Variants in TJP2 observed in about 807,000 individuals in gnomAD.
TJP2 encodes tight junction protein 2.
A neutral mutation model predicts 133.1 loss-of-function variants in TJP2; 91 were observed. The ratio of observed to expected loss-of-function variants is 0.68; its 90% CI spans 0.58 to 0.81. TJP2 has a LOEUF of 0.81. Ranked by LOEUF, TJP2 falls within the 40% of genes least tolerant of loss-of-function variation. The pLI is 0.00. For missense variants in TJP2, 1,541 were observed against 1,565.6 expected (o/e 0.98, Z 0.26); for synonymous variants, 592 against 583.4 (o/e 1.01, Z -0.21).
At chr9:69,173,265 G>T (rs980488307), upstream of TJP2, among the ~76,000 whole-genome samples, 4 of 152,160 alleles carry the variant, frequency 2.6e-5, no homozygotes, top group Admixed American at 1.3e-4. Context: ...TCTCTTACAA[G>T]ATGGTTTTTT....
chr9:69,217,198 C>T (rs1359127451), intron 3 of TJP2, among the ~76,000 whole-genome samples: 1 of 152,038 alleles, frequency 6.6e-6, no homozygotes, highest in Non-Finnish European at 1.5e-5. Context: ...GCCATGTTGG[C>T]TAGGCTGGTG....
intron 1 of TJP2, among the ~76,000 whole-genome samples, chr9:69,209,656 A>C (rs1827711777): frequency 6.6e-6 from 1 of 151,360 alleles, no homozygotes; most frequent in African/African-American, 2.4e-5. Flanking sequence ...CGGGAGGCTG[A>C]GGCAGGAGAA....
intron 1 of TJP2, among the ~76,000 whole-genome samples, chr9:69,206,547 C>T (rs1356218741): frequency 7.2e-6 from 1 of 138,614 alleles, no homozygotes; most frequent in African/African-American, 2.6e-5. Flanking sequence ...CACTCATCTC[C>T]CTATTTTTTA....
chr9:69,232,899 G>A lies in TJP2; in HGVS notation c.1672-1540G>A, dbSNP rs575032090. Among the ~76,000 whole-genome samples, 24 of 152,196 alleles carry A rather than the reference G, an allele frequency of 1.6e-4. No individual in the cohort carries two copies. The East Asian group carries it at 2.5e-3, about 16-fold the overall frequency. On this transcript the variant is annotated intron_variant, in intron 11 of 22. Transcript: ENST00000377245. ...TTTTTGGCTATCGAAGACTGTGATC[G>A]AGACTGATCTAAGGTTAATCTCTTG...
intron 5 of TJP2, among the ~76,000 whole-genome samples, chr9:69,222,178 CT>C (rs34092260): frequency 0.6 from 83,704 of 140,118 alleles, 25,699 homozygotes; most frequent in African/African-American, 0.78. Context: ...GGCCAGCTAA[CT>C]TTTTTTTTTT....
In TJP2 at chr9:69,167,725, G is replaced by A. The variant is rs373324323; in HGVS notation, c.-10+15954G>A. On this transcript the variant is annotated intron_variant, in intron 2 of 5. Transcript: ENST00000423935. The stretch of plus-strand genomic sequence containing the variant: ...TCTACTAAAAATACAAAAATTAGCC[G>A]GGCATGGTGGCACATGCCTGTAATC... Among the ~76,000 whole-genome samples, 11 of 152,036 alleles carry A rather than the reference G, an allele frequency of 7.2e-5. No individual in the cohort carries two copies. In the East Asian group the frequency reaches 9.7e-4, roughly 13 times the overall value.
At chr9:69,162,732 TG>T (rs1824146575) in intron 2 of TJP2, among the ~76,000 whole-genome samples, 1 of 152,218 alleles carries the variant, frequency 6.6e-6, no homozygotes. Context: ...GTGTCTAAGT[TG>T]TGTACAATAT....
At chr9:69,149,637 A>T (rs905694518) in intron 1 of TJP2, among the ~76,000 whole-genome samples, 1 of 152,184 alleles carries the variant, frequency 6.6e-6, no homozygotes, top group Non-Finnish European at 1.5e-5. Flanking sequence ...GAGAGGCTGC[A>T]TTCTTCCTCC....
chr9:69,128,707 C>T (rs1041331294), intron 1 of TJP2, among the ~76,000 whole-genome samples: 8 of 152,110 alleles, frequency 5.3e-5, no homozygotes, highest in Middle Eastern at 3.4e-3. Context: ...TGTTATTTTT[C>T]AGTAGAGACG....
intron 1 of TJP2, among the ~76,000 whole-genome samples, chr9:69,136,303 G>A (rs1200541344): frequency 6.6e-6 from 1 of 152,142 alleles, no homozygotes; most frequent in Non-Finnish European, 1.5e-5. Flanking sequence ...AGGATCACTT[G>A]AGACCAGAAG....
chr9:69,230,539 A>C (rs1829694408), intron 11 of TJP2, among the ~76,000 whole-genome samples: 1 of 152,194 alleles, frequency 6.6e-6, no homozygotes, highest in South Asian at 2.1e-4. Context: ...GATTTTTCAA[A>C]AAGATTTTTC....
At chr9:69,246,595 A>C in intron 17 of TJP2, 95 bp from the exon 18 acceptor site, 1 of 1,074,808 alleles carries the variant, frequency 9.3e-7, no homozygotes, top group Non-Finnish European at 1.4e-6. Flanking sequence ...ATAGTCTTAA[A>C]TATCACAGAA....
In TJP2 at chr9:69,251,183, G is replaced by C. The variant is rs191327525; in HGVS notation, c.3140G>C (p.Arg1047Pro). Residue 1047 changes from arginine to proline, a missense_variant, in exon 21 of 23, where the codon CGG (arginine) becomes CCG (proline). Physicochemically the swap from Arg to Pro is moderately radical, Grantham distance 103. Transcript: ENST00000377245. Reference sequence around the variant, plus strand: ...GTTGCAGCAAAACCTACCTTTGGGCGGTCTATACTGAAGCCCTCCACTCCC... The same window carrying C: ...GTTGCAGCAAAACCTACCTTTGGGCCGTCTATACTGAAGCCCTCCACTCCC... ...PPVAAKPTFG[R>P]SILKPSTPIP... 34 of 1,614,090 alleles carry C rather than the reference G, an allele frequency of 2.1e-5. No individual in the cohort carries two copies. In the African/African-American group the frequency reaches 4.4e-4, roughly 21 times the overall value.
chr9:69,171,833 G>A (rs1268355055), upstream of TJP2, among the ~76,000 whole-genome samples: 1 of 112,306 alleles, frequency 8.9e-6, no homozygotes. Flanking sequence ...ATCTCGCTCT[G>A]TCACCAGGCT....
At position 69,229,232 on chromosome 9, in the gene TJP2, A is replaced by C; in HGVS notation, c.1502A>C (p.Glu501Ala). ...AGAACTTTTCTTCGTCCTAGTCCTG[A>C]AGATGAAGCAATATATGGGTATGTA... is the stretch of plus-strand genomic sequence containing the variant. ...APRTFLRPSP[E>A]DEAIYGPNTK... is the part of the protein sequence containing the mutation. The change falls in exon 10 of 23, where the codon GAA becomes GCA. Residue 501 changes from glutamate to alanine, a missense_variant. Transcript: ENST00000377245. 2 of 1,614,092 alleles carry C rather than the reference A, an allele frequency of 1.2e-6. No homozygotes were observed. Among genetic ancestry groups the C allele is most frequent in the Non-Finnish European group, 1.7e-6 (2 of 1,179,994 alleles).
chr9:69,158,021 GGCA>G (rs1823861676), intron 2 of TJP2, among the ~76,000 whole-genome samples: 1 of 149,782 alleles, frequency 6.7e-6, no homozygotes, highest in Non-Finnish European at 1.5e-5. Context: ...CCCAGAGGCA[GGCA>G]CAGTGGCTGG....
At chr9:69,234,695 GAAGA>G (rs1019504450) in intron 12 of TJP2, 148 bp downstream of exon 12, 40 of 585,012 alleles carry the variant, frequency 6.8e-5, no homozygotes, top group African/African-American at 6.8e-4. Flanking sequence ...CTAGGTGTGT[GAAGA>G]AAATGTGAGT....
At chr9:69,237,637 T>C (rs916411164) in intron 14 of TJP2, among the ~76,000 whole-genome samples, 1 of 152,128 alleles carries the variant, frequency 6.6e-6, no homozygotes, top group African/African-American at 2.4e-5. Context: ...GGCAACATAG[T>C]GAGATCTTGT....
At chr9:69,212,228 C>T (rs1827973237) in intron 1 of TJP2, among the ~76,000 whole-genome samples, 1 of 152,106 alleles carries the variant, frequency 6.6e-6, no homozygotes, top group Non-Finnish European at 1.5e-5. Flanking sequence ...CTATTTGAAA[C>T]TAGATATTTT....
Sources: allele counts gnomAD v4.1 joint callset (sites outside exome capture counted in the v4.1 genomes callset), GRCh38; gene constraint gnomAD v4.1.1; transcripts MANE v1.5; gene names NCBI Gene and HGNC (gene_info 2026-07-23, HGNC 2026-07-21).